Variants in PPP2R2B observed in about 807,000 individuals in gnomAD.
PPP2R2B encodes the protein protein phosphatase 2 regulatory subunit Bbeta.
PPP2R2B carries 5 observed loss-of-function variants against 46.0 expected under a neutral mutation model. The ratio of observed to expected loss-of-function variants is 0.11; its 90% CI spans 0.06 to 0.23. The LOEUF is 0.23. PPP2R2B is among the 10% of genes least tolerant of loss of function. The pLI is 1.00. For missense variants in PPP2R2B, 367 were observed against 575.0 expected (o/e 0.64, Z 3.70); for synonymous variants, 215 against 206.7 (o/e 1.04, Z -0.34).
Position 147,016,595 on chromosome 5 carries a change from A to G in PPP2R2B, c.79+39070T>C, listed in dbSNP as rs201769200. Among the ~76,000 whole-genome samples the G allele has an allele frequency of 8.0e-3, 81 of 10,178 alleles. 10 individuals carry two copies. Among genetic ancestry groups the G allele is most frequent in the South Asian group, 0.044 (15 of 342 alleles). 6.7% of individuals were successfully genotyped at this position (10,178 alleles called of 152,430 possible). A position where few individuals can be genotyped will look rare whatever the true frequency, so the allele number is the denominator to read the frequency against. ...TACAGATACATTGTGGAATCAATAT[A>G]TGTAGTGAGGAAAATAGAAGCAAGT... is the stretch of plus-strand genomic sequence containing the variant. On this transcript the variant is annotated intron_variant, in intron 1 of 8. Coordinates refer to the PPP2R2B transcript ENST00000336640.
At chr5:146,661,391 T>C (rs1581816917) in intron 5 of PPP2R2B, among the ~76,000 whole-genome samples, 1 of 152,080 alleles carries the variant, frequency 6.6e-6, no homozygotes, top group East Asian at 1.9e-4. Context: ...CAGCAATAAG[T>C]TTCAGTTCAT....
At chr5:146,854,007 C>G (rs554901801) in intron 2 of PPP2R2B, among the ~76,000 whole-genome samples, 26 of 152,108 alleles carry the variant, frequency 1.7e-4, no homozygotes, top group African/African-American at 5.8e-4. Flanking sequence ...GTATGTGTCC[C>G]CTACTAAACC....
chr5:147,002,000 G>A (rs1754201386), intron 1 of PPP2R2B, among the ~76,000 whole-genome samples: 2 of 152,006 alleles, frequency 1.3e-5, no homozygotes, highest in African/African-American at 2.4e-5. Context: ...AAGTCATGTC[G>A]CCCAAGTGAG....
In PPP2R2B at chr5:146,987,716, T is replaced by C. The variant is rs117317236; in HGVS notation, c.79+67949A>G. On this transcript the variant is annotated intron_variant, in intron 1 of 8. Transcript: ENST00000336640. ...AGACAGTAAGAGAGGAATAAAGGAA[T>C]AGAGGAGTTATAAAACAATCAGAAA... Among the ~76,000 whole-genome samples the C allele has an allele frequency of 7.4e-4, 112 of 151,976 alleles. 2 individuals carry two copies. In the East Asian group the frequency reaches 0.02, roughly 27 times the overall value.
intron 2 of PPP2R2B, among the ~76,000 whole-genome samples, chr5:146,709,303 T>C (rs1326926869): frequency 1.3e-5 from 2 of 152,214 alleles, no homozygotes; most frequent in Non-Finnish European, 1.5e-5. Flanking sequence ...TGCTTAAATG[T>C]CAGTCTGACC....
At chr5:146,659,933 C>T (rs942935731) in intron 5 of PPP2R2B, among the ~76,000 whole-genome samples, 34 of 152,186 alleles carry the variant, frequency 2.2e-4, no homozygotes, top group Non-Finnish European at 4.4e-5. Context: ...AGCATCTCTT[C>T]CATCCACCAA....
chr5:146,975,877 ATCCCT>A (rs1752877543), intron 1 of PPP2R2B, among the ~76,000 whole-genome samples: 1 of 151,776 alleles, frequency 6.6e-6, no homozygotes, highest in Non-Finnish European at 1.5e-5. Context: ...CTGCATATTG[ATCCCT>A]TATCAGATAT....
At chr5:146,759,934 T>TACAATATCATA (rs1239959022) in intron 2 of PPP2R2B, among the ~76,000 whole-genome samples, 2 of 152,200 alleles carry the variant, frequency 1.3e-5, no homozygotes, top group Non-Finnish European at 2.9e-5. Flanking sequence ...AATAGTGTAT[T>TACAATATCATA]ACAATATCAT....
intron 1 of PPP2R2B, among the ~76,000 whole-genome samples, chr5:146,931,783 C>A (rs548238893): frequency 6.6e-6 from 1 of 152,260 alleles, no homozygotes; most frequent in Admixed American, 6.5e-5. Flanking sequence ...CTTTCCATAA[C>A]ATAGTTTACA....
chr5:146,821,373 C>T (rs1328733805), intron 2 of PPP2R2B, among the ~76,000 whole-genome samples: 1 of 152,176 alleles, frequency 6.6e-6, no homozygotes, highest in African/African-American at 2.4e-5. Context: ...CCTTGAAGCT[C>T]TGATTTATCC....
intron 5 of PPP2R2B, among the ~76,000 whole-genome samples, chr5:146,657,448 G>A (rs1451639321): frequency 1.3e-5 from 2 of 152,074 alleles, no homozygotes; most frequent in Non-Finnish European, 2.9e-5. Context: ...AGTAACTCTA[G>A]GTCAAATCTC....
chr5:147,018,043 G>GCGCACACA (rs1232082609), intron 1 of PPP2R2B, among the ~76,000 whole-genome samples: 1 of 48,246 alleles, frequency 2.1e-5, no homozygotes, highest in African/African-American at 1.3e-4. Flanking sequence ...GCATGCGCGC[G>GCGCACACA]CACACACACA....
intron 2 of PPP2R2B, chr5:146,706,601 C>CCTGCGCTGCTCCGCAT: frequency 1.2e-6 from 1 of 822,512 alleles, no homozygotes; most frequent in South Asian, 1.3e-5. Context: ...TGACCAGCTC[C>CCTGCGCTGCTCCGCAT]CTGCGCTGCT....
chr5:146,644,234 CAAAAAAAAAAAAAAAA>C (rs58634387), intron 6 of PPP2R2B, among the ~76,000 whole-genome samples: 9 of 60,666 alleles, frequency 1.5e-4, no homozygotes, highest in Admixed American at 1.1e-3. Flanking sequence ...AGGAAAGTTT[CAAAAAAAAAAAAAAAA>C]AAAAAAAAAA....
intron 2 of PPP2R2B, among the ~76,000 whole-genome samples, chr5:146,787,629 G>A (rs1755926734): frequency 2.0e-5 from 3 of 151,960 alleles, no homozygotes; most frequent in Admixed American, 2.0e-4. Flanking sequence ...GTGCAATGGG[G>A]TGATCTCAGC....
chr5:146,889,794 T>C (rs191108905), intron 1 of PPP2R2B, among the ~76,000 whole-genome samples: 1 of 152,304 alleles, frequency 6.6e-6, no homozygotes, highest in Non-Finnish European at 1.5e-5. Context: ...TTGTCAGAAG[T>C]TAGGGCAGTT....
Position 146,581,485 on chromosome 5 carries a change from A to C in PPP2R2B, c.*8462T>G, listed in dbSNP as rs1769892213. 6.6e-6 allele frequency: 1 copy of C among 152,228 alleles called. No individual in the cohort carries two copies. Among genetic ancestry groups the C allele is most frequent in the Non-Finnish European group, 1.5e-5 (1 of 68,042 alleles). The allele number at this position is 152,228 out of a possible 1,614,324, so 9.4% of individuals were successfully genotyped here. A position where few individuals can be genotyped will look rare whatever the true frequency, so the allele number is the denominator to read the frequency against. ...ACACTGGGGATTACAATTTGACATG[A>C]GATTATGGTGAGGACACAGATCCAA... On this transcript the variant is annotated 3_prime_UTR_variant, in exon 10 of 10. Coordinates refer to ENST00000394411, the MANE Select transcript of PPP2R2B (RefSeq NM_181675.4).
rs1447374191 is a variant in PPP2R2B at position 146,917,513 on chromosome 5, A to G, written c.79+138152T>C. 3.3e-5 allele frequency among the ~76,000 whole-genome samples: 5 copies of G among 152,376 alleles called. No homozygotes were observed. The East Asian group carries it at 7.7e-4, about 23-fold the overall frequency. On this transcript the variant is annotated intron_variant, in intron 1 of 8. Coordinates refer to the PPP2R2B transcript ENST00000336640. ...TCTATCAATTTAAGAAATCCATTTT[A>G]TAAATAAGGATCTTCATTTATATAG...
intron 2 of PPP2R2B, among the ~76,000 whole-genome samples, chr5:146,715,458 C>T (rs1162375528): frequency 6.6e-6 from 1 of 152,134 alleles, no homozygotes; most frequent in Non-Finnish European, 1.5e-5. Context: ...TACTGCAAGC[C>T]AGGCACGGCG....
Sources: allele counts gnomAD v4.1 joint callset (sites outside exome capture counted in the v4.1 genomes callset), GRCh38; gene constraint gnomAD v4.1.1; transcripts MANE v1.5; gene names NCBI Gene and HGNC (gene_info 2026-07-23, HGNC 2026-07-21).